The following FBXL17 variants were observed in gnomAD, a reference collection of about 807,000 sequenced individuals.
The protein encoded by FBXL17 is F-box/LRR-repeat protein 17.
Under a neutral mutation model 66.2 loss-of-function variants are expected in FBXL17, and 22 were observed. The observed-to-expected ratio is 0.33, with a 90% CI of 0.24 to 0.47. FBXL17 has a LOEUF of 0.47. FBXL17 is among the 20% of genes least tolerant of loss of function. The pLI is 1.00. For missense variants in FBXL17, 878 were observed against 948.2 expected (o/e 0.93, Z 0.97); for synonymous variants, 474 against 400.5 (o/e 1.18, Z -2.19).
At chr5:107,888,813 G>A (rs1749092384) in intron 7 of FBXL17, among the ~76,000 whole-genome samples, 1 of 152,126 alleles carries the variant, frequency 6.6e-6, no homozygotes. Context: ...ACATGTCTTT[G>A]TGTGGACATA....
intron 8 of FBXL17, among the ~76,000 whole-genome samples, chr5:107,872,730 G>A (rs1389827076): frequency 6.6e-6 from 1 of 152,196 alleles, no homozygotes; most frequent in Middle Eastern, 3.2e-3. Context: ...CACAACAAGA[G>A]CTAACGTTTA....
At chr5:108,296,415 G>A (rs534796640) in intron 4 of FBXL17, among the ~76,000 whole-genome samples, 20 of 151,544 alleles carry the variant, frequency 1.3e-4, no homozygotes, top group East Asian at 1.2e-3. Context: ...TGTTTCTTTC[G>A]GCCTTATTTA....
At chr5:108,066,480 T>C (rs1444295933) in intron 6 of FBXL17, among the ~76,000 whole-genome samples, 1 of 151,888 alleles carries the variant, frequency 6.6e-6, no homozygotes, top group South Asian at 2.1e-4. Context: ...AATTTTAATA[T>C]AAATGACTTC....
At chr5:108,198,774 T>C (rs538159229) in intron 5 of FBXL17, among the ~76,000 whole-genome samples, 33 of 152,292 alleles carry the variant, frequency 2.2e-4, no homozygotes, top group African/African-American at 7.9e-4. Context: ...TCTGTAATTA[T>C]ACTCAATGTT....
At chr5:107,898,428 G>A (rs1004596624) in intron 7 of FBXL17, among the ~76,000 whole-genome samples, 3 of 151,780 alleles carry the variant, frequency 2.0e-5, no homozygotes, top group African/African-American at 7.3e-5. Flanking sequence ...TTAGAATGAT[G>A]ACCTTTATGA....
chr5:108,165,023 T>G (rs1235331335), intron 6 of FBXL17, among the ~76,000 whole-genome samples: 1 of 152,134 alleles, frequency 6.6e-6, no homozygotes, highest in East Asian at 1.9e-4. Context: ...ACATCGAAAT[T>G]CGATTTCATG....
chr5:108,381,055 G>A lies in FBXL17; in HGVS notation c.637C>T (p.Pro213Ser). The change falls in exon 1 of 9, where the codon CCC becomes TCC. Residue 213 changes from proline (P) to serine (S), a missense_variant. By Grantham distance (74) the Pro-to-Ser change is moderately conservative (BLOSUM62 -1). Transcript: ENST00000542267. Reference protein sequence around the residue: ...GVPACTPCKQPRCGGGGCGGG... With the variant: ...GVPACTPCKQSRCGGGGCGGG... ...CCGCAGCCCCCGCCGCCGCAGCGGG[G>A]CTGCTTGCAGGGGGTGCAGGCGGGG... 8.2e-7 allele frequency: 1 copy of A among 1,216,466 alleles called. No individual in the cohort carries two copies. The highest frequency in any genetic ancestry group is 1.0e-6 in the Non-Finnish European group (1 of 978,636). 75.4% of individuals were successfully genotyped at this position (1,216,466 alleles called of 1,614,324 possible).
intron 4 of FBXL17, among the ~76,000 whole-genome samples, chr5:108,314,954 A>T (rs59260333): frequency 0.05 from 7,571 of 151,046 alleles, 629 homozygotes; most frequent in African/African-American, 0.17. Flanking sequence ...CAAATTTAAA[A>T]TTTTTTTCCA....
rs927208126 is a variant in FBXL17, at chr5:108,209,446, T to G, written c.1614+14675A>C. ...ATTCAGTATGATACTCACTGTGGGT[T>G]TGTCATAAATAACTCTTATTATTTT... is the stretch of plus-strand genomic sequence containing the variant. On this transcript the variant is annotated intron_variant, in intron 5 of 8. Coordinates refer to ENST00000542267, the MANE Select transcript of FBXL17 (RefSeq NM_001163315.3). Among the ~76,000 whole-genome samples, 38 of 152,194 alleles carry G rather than the reference T, an allele frequency of 2.5e-4. 1 individual carries two copies. Among genetic ancestry groups the G allele is most frequent in the Admixed American group, 1.7e-3 (26 of 15,284 alleles).
intron 7 of FBXL17, among the ~76,000 whole-genome samples, chr5:107,960,144 T>G (rs1043996276): frequency 3.9e-5 from 6 of 152,208 alleles, no homozygotes; most frequent in Admixed American, 3.9e-4. Flanking sequence ...GCTTTTCATC[T>G]GGACTAAAGC....
At chr5:107,976,846 G>A (rs1752598244) in intron 7 of FBXL17, among the ~76,000 whole-genome samples, 1 of 152,054 alleles carries the variant, frequency 6.6e-6, no homozygotes. Flanking sequence ...GATAAAAGAT[G>A]GCTGATTCTA....
chr5:108,202,412 A>C (rs1404102056), intron 5 of FBXL17, among the ~76,000 whole-genome samples: 1 of 152,138 alleles, frequency 6.6e-6, no homozygotes, highest in Non-Finnish European at 1.5e-5. Flanking sequence ...AAAAAATAAA[A>C]GTGGTAAGTT....
chr5:108,135,541 C>A (rs1751100674), intron 6 of FBXL17, among the ~76,000 whole-genome samples: 1 of 152,090 alleles, frequency 6.6e-6, no homozygotes, highest in South Asian at 2.1e-4. Context: ...GTGAACAAAT[C>A]TAGATTTTTG....
Position 108,367,942 on chromosome 5 carries a change from A to G in FBXL17, c.1005T>C (p.Asn335=), listed in dbSNP as rs551762876. The G allele has an allele frequency of 1.3e-6, 2 of 1,550,614 alleles. No individual in the cohort carries two copies. The highest frequency in any genetic ancestry group is 2.7e-5 in the African/African-American group (2 of 73,088). Residue 335 remains asparagine, a synonymous_variant, in exon 2 of 9, where the codon AAT becomes AAC. Transcript: ENST00000542267. ...AAAGGCAACGCTCATCCAGTGACAA[A>G]TTGGAAAATATCTGTGAATAAAAAA... The part of the protein sequence containing the change: ...PPSILLKIFS[N]LSLDERCLSA...
chr5:108,298,075 A>G (rs1758421380), intron 4 of FBXL17: 4 of 979,822 alleles, frequency 4.1e-6, no homozygotes, highest in South Asian at 4.7e-5. Context: ...GAATTGCCAC[A>G]AATACCCATG....
In FBXL17 at chr5:108,043,942, T is replaced by A. The variant is rs553293431; in HGVS notation, c.1746-22941A>T. Among the ~76,000 whole-genome samples, 9 of 152,324 alleles carry A rather than the reference T, an allele frequency of 5.9e-5. No individual in the cohort carries two copies. In the East Asian group the frequency reaches 1.7e-3, roughly 29 times the overall value. On this transcript the variant is annotated intron_variant, in intron 6 of 8. Transcript: ENST00000542267. ...AAGTTTTCATTGGTTTACTTCTTTATTTTTTAAAGTGAATGTAAATTGTAT... is the reference window on the plus strand; with the variant it reads ...AAGTTTTCATTGGTTTACTTCTTTAATTTTTAAAGTGAATGTAAATTGTAT...
At position 108,381,023 on chromosome 5, in the gene FBXL17, G is replaced by GCCGCCGCCGCAGCCC. The variant is rs1385612582; in HGVS notation, c.654_668dup (p.Cys220_Gly224dup). On this transcript the variant is annotated inframe_insertion, in exon 1 of 9. Coordinates refer to ENST00000542267, the MANE Select transcript of FBXL17 (RefSeq NM_001163315.3). The stretch of plus-strand genomic sequence containing the variant: ...GCCCTCCCCCGCCACCGCCGCCGCC[G>GCCGCCGCCGCAGCCC]CCGCCGCCGCAGCCCCCGCCGCCGC... 2.3e-5 allele frequency: 27 copies of GCCGCCGCCGCAGCCC among 1,188,842 alleles called. No individual in the cohort carries two copies. The highest frequency in any genetic ancestry group is 2.3e-5 in the Non-Finnish European group (22 of 961,034). 73.6% of individuals were successfully genotyped at this position (1,188,842 alleles called of 1,614,324 possible). A position where few individuals can be genotyped will look rare whatever the true frequency, so the allele number is the denominator to read the frequency against.
At chr5:108,061,910 T>C (rs567971334) in intron 6 of FBXL17, among the ~76,000 whole-genome samples, 1 of 151,692 alleles carries the variant, frequency 6.6e-6, no homozygotes, top group East Asian at 1.9e-4. Context: ...ATACTACTTA[T>C]GCATAAAACA....
intron 4 of FBXL17, among the ~76,000 whole-genome samples, chr5:108,300,831 C>G (rs1403588040): frequency 6.6e-6 from 1 of 151,468 alleles, no homozygotes; most frequent in Non-Finnish European, 1.5e-5. Flanking sequence ...GAGTAAAGTT[C>G]TGTTAGTTCC....
Sources: gnomAD v4.1 joint callset for allele counts (sites outside exome capture counted in the v4.1 genomes callset) on GRCh38, gnomAD v4.1.1 for gene constraint, MANE v1.5 for transcripts, NCBI Gene and HGNC (gene_info 2026-07-23, HGNC 2026-07-21) for gene names.